TINAG: variants seen among roughly 807,000 people sequenced by gnomAD.
TINAG encodes tubulointerstitial nephritis antigen.
Under a neutral mutation model 72.7 loss-of-function variants are expected in TINAG, and 83 were observed. The observed-to-expected ratio is 1.14, with a 90% CI of 0.96 to 1.37. The LOEUF (loss-of-function observed/expected upper bound fraction) is 1.37, where lower values mean the gene tolerates loss of function less well. TINAG is among the 40% of genes most tolerant of loss of function. The pLI is 0.00. For synonymous variants in TINAG, 234 were observed against 189.9 expected, an observed-to-expected ratio of 1.23 and a Z score of -1.91; for missense variants, 685 against 576.6, an observed-to-expected ratio of 1.19 and a Z score of -1.93.
chr6:54,325,436 C>T (rs943840066), intron 3 of TINAG, among the ~76,000 whole-genome samples: 2 of 152,092 alleles, frequency 1.3e-5, no homozygotes, highest in African/African-American at 4.8e-5. Flanking sequence ...GTTAGTCATA[C>T]CTTTCACACT....
intron 10 of TINAG, among the ~76,000 whole-genome samples, chr6:54,381,676 C>A (rs1763955158): frequency 6.6e-6 from 1 of 151,942 alleles, no homozygotes; most frequent in Admixed American, 6.6e-5. Context: ...TAGTAGCCAA[C>A]AATCAACATT....
chr6:54,332,582 C>G (rs1258643417), intron 4 of TINAG, among the ~76,000 whole-genome samples: 2 of 152,060 alleles, frequency 1.3e-5, no homozygotes, highest in Admixed American at 1.3e-4. Flanking sequence ...AATAAAACAC[C>G]AAAAGCAATG....
At chr6:54,328,494 T>A (rs1284098357) in intron 4 of TINAG, among the ~76,000 whole-genome samples, 1 of 151,862 alleles carries the variant, frequency 6.6e-6, no homozygotes, top group Non-Finnish European at 1.5e-5. Context: ...CAGAAGTAGA[T>A]AAATCCACAA....
Position 54,320,578 on chromosome 6 carries a change from G to C in TINAG, c.356-1G>C. ...CATTTCTTTACATGTTACTTTGACA[G>C]GTTGCTTCAAAGATGGTCAACATTA... On this transcript the variant is annotated splice_acceptor_variant, in intron 1 of 10. Coordinates refer to ENST00000259782, the MANE Select transcript of TINAG (RefSeq NM_014464.4). LOFTEE classifies it high-confidence loss of function. 1 of 1,593,340 alleles carries C rather than the reference G, an allele frequency of 6.3e-7. No individual in the cohort carries two copies. Among genetic ancestry groups the C allele is most frequent in the South Asian group, 1.2e-5 (1 of 86,450 alleles).
At chr6:54,343,132 A>T (rs986177813) in intron 4 of TINAG, 94 bp from the exon 5 acceptor site, 5 of 1,119,094 alleles carry the variant, frequency 4.5e-6, no homozygotes, top group East Asian at 3.2e-5. Context: ...AAAATAATTT[A>T]AAAAATAATT....
At chr6:54,370,929 A>G (rs973693886) in intron 9 of TINAG, among the ~76,000 whole-genome samples, 4 of 152,130 alleles carry the variant, frequency 2.6e-5, no homozygotes, top group Middle Eastern at 3.4e-3. Context: ...GGTCTGTTCC[A>G]CTCCGTAAGT....
At chr6:54,337,426 G>A (rs1346075976) in intron 4 of TINAG, among the ~76,000 whole-genome samples, 4 of 151,938 alleles carry the variant, frequency 2.6e-5, no homozygotes, top group Non-Finnish European at 4.4e-5. Context: ...GCTAATCTTC[G>A]TATTTTTAGT....
At chr6:54,336,654 T>A (rs778840950) in intron 4 of TINAG, among the ~76,000 whole-genome samples, 21 of 152,206 alleles carry the variant, frequency 1.4e-4, no homozygotes, top group Non-Finnish European at 2.8e-4. Flanking sequence ...CTTGGCTCCA[T>A]TAAAATTTGT....
chr6:54,340,677 T>C (rs571502778), intron 4 of TINAG, among the ~76,000 whole-genome samples: 4 of 152,286 alleles, frequency 2.6e-5, no homozygotes, highest in South Asian at 4.1e-4. Flanking sequence ...AAATAAATGG[T>C]AAAAATCTTG....
At chr6:54,365,686 A>G (rs1395622161) in intron 9 of TINAG, among the ~76,000 whole-genome samples, 2 of 151,650 alleles carry the variant, frequency 1.3e-5, no homozygotes, top group Non-Finnish European at 3.0e-5. Flanking sequence ...TGATGGGAAC[A>G]TTTTAATGAG....
At chr6:54,345,607 T>C (rs571508619) in intron 5 of TINAG, among the ~76,000 whole-genome samples, 3 of 152,262 alleles carry the variant, frequency 2.0e-5, no homozygotes, top group African/African-American at 7.2e-5. Context: ...GTGCTGAATG[T>C]CAGAGCATCA....
intron 1 of TINAG, among the ~76,000 whole-genome samples, chr6:54,316,882 T>A (rs773709341): frequency 1.1e-4 from 17 of 152,220 alleles, no homozygotes; most frequent in Admixed American, 2.6e-4. Context: ...TTCGAGAAGA[T>A]AAACTATTTC....
chr6:54,386,698 A>G (rs964949351), intron 10 of TINAG, among the ~76,000 whole-genome samples: 4 of 152,062 alleles, frequency 2.6e-5, no homozygotes, highest in Non-Finnish European at 5.9e-5. Flanking sequence ...GCCAATACAT[A>G]GGTCACAGAA....
chr6:54,349,346 T>A (rs979158435), intron 6 of TINAG, among the ~76,000 whole-genome samples: 36 of 151,962 alleles, frequency 2.4e-4, no homozygotes, highest in African/African-American at 8.4e-4. Context: ...TTATATTAAA[T>A]TTTAAATTTA....
intron 2 of TINAG, 85 bp from the exon 3 acceptor site, chr6:54,321,212 G>A (rs1562149035): frequency 1.0e-6 from 1 of 984,218 alleles, no homozygotes; most frequent in South Asian, 1.3e-5. Flanking sequence ...TATGTTTTAT[G>A]CCTTAACAAT....
intron 9 of TINAG, among the ~76,000 whole-genome samples, chr6:54,376,924 G>C (rs1408111469): frequency 2.0e-5 from 3 of 152,148 alleles, no homozygotes; most frequent in Non-Finnish European, 4.4e-5. Flanking sequence ...TAGGGAGACT[G>C]AAGGGCTCAG....
At chr6:54,359,686 A>G (rs1289860905) in intron 9 of TINAG, among the ~76,000 whole-genome samples, 1 of 151,864 alleles carries the variant, frequency 6.6e-6, no homozygotes, top group Non-Finnish European at 1.5e-5. Context: ...ATTAAGGCCA[A>G]TTCTGCTAGT....
At chr6:54,320,532 T>C (rs1784466916) in intron 1 of TINAG, 47 bp from the exon 2 acceptor site, 1 of 1,462,654 alleles carries the variant, frequency 6.8e-7, no homozygotes, top group South Asian at 1.2e-5. Flanking sequence ...TAATGCACTT[T>C]ATTACTTAGT....
intron 3 of TINAG, among the ~76,000 whole-genome samples, chr6:54,322,491 T>C (rs1024766109): frequency 6.6e-6 from 1 of 152,176 alleles, no homozygotes; most frequent in African/African-American, 2.4e-5. Context: ...CTTCTACATT[T>C]CTGGAAAAGA....
Sources: gnomAD v4.1 joint callset for allele counts (sites outside exome capture counted in the v4.1 genomes callset) on GRCh38, gnomAD v4.1.1 for gene constraint, MANE v1.5 for transcripts, NCBI Gene and HGNC (gene_info 2026-07-23, HGNC 2026-07-21) for gene names.